Variants in NEK11 observed in about 807,000 individuals in gnomAD.
The protein encoded by NEK11 is serine/threonine-protein kinase Nek11.
In NEK11, 72 loss-of-function variants were observed where a neutral mutation model predicts 80.7. That is an observed-to-expected ratio of 0.89 (90% CI 0.74 to 1.08). The LOEUF (loss-of-function observed/expected upper bound fraction) is 1.08, where lower values mean the gene tolerates loss of function less well. Among genes scored for constraint, NEK11 ranks in the 50% least tolerant of loss-of-function variants. The pLI is 0.00. For synonymous variants in NEK11, 251 were observed against 260.7 expected, an observed-to-expected ratio of 0.96 and a Z score of 0.36; for missense variants, 764 against 763.6, an observed-to-expected ratio of 1.00 and a Z score of -0.01.
chr3:131,143,700 T>TA (rs990954715), intron 7 of NEK11, among the ~76,000 whole-genome samples: 2 of 152,070 alleles, frequency 1.3e-5, no homozygotes, highest in African/African-American at 4.8e-5. Flanking sequence ...AGGTCATTCA[T>TA]AAAAAATTGC....
intron 16 of NEK11, among the ~76,000 whole-genome samples, chr3:131,267,016 CT>C (rs767441516): frequency 6.6e-6 from 1 of 151,892 alleles, no homozygotes; most frequent in Non-Finnish European, 1.5e-5. Flanking sequence ...GCAACACCTG[CT>C]TTTTTTTGCT....
chr3:131,041,560 ATG>A (rs1175300081), intron 3 of NEK11, among the ~76,000 whole-genome samples: 2 of 151,848 alleles, frequency 1.3e-5, no homozygotes, highest in African/African-American at 4.8e-5. Context: ...ACGTATATAT[ATG>A]TGTGTGTGTA....
chr3:131,293,721 G>T (rs914365961), intron 17 of NEK11, among the ~76,000 whole-genome samples: 11 of 151,946 alleles, frequency 7.2e-5, no homozygotes, highest in Admixed American at 4.6e-4. Flanking sequence ...AACCCATCTG[G>T]GCCTGGTGCT....
intron 17 of NEK11, among the ~76,000 whole-genome samples, chr3:131,337,716 C>A (rs940518444): frequency 6.6e-6 from 1 of 151,986 alleles, no homozygotes; most frequent in Admixed American, 6.6e-5. Context: ...TAAAGGAAGA[C>A]AGTGACTGGC....
intron 17 of NEK11, among the ~76,000 whole-genome samples, chr3:131,276,059 G>A (rs1230522363): frequency 6.6e-6 from 1 of 152,204 alleles, no homozygotes; most frequent in Non-Finnish European, 1.5e-5. Flanking sequence ...TTCACAGAGG[G>A]ATGTAATTTG....
intron 14 of NEK11, among the ~76,000 whole-genome samples, chr3:131,191,765 A>C (rs539865527): frequency 3.0e-4 from 45 of 152,172 alleles, no homozygotes; most frequent in Admixed American, 3.3e-4. Context: ...GGAAGACTGG[A>C]TATCTCATGC....
At chr3:131,237,564 G>T (rs1419319847) in intron 15 of NEK11, among the ~76,000 whole-genome samples, 1 of 151,954 alleles carries the variant, frequency 6.6e-6, no homozygotes, top group Non-Finnish European at 1.5e-5. Flanking sequence ...CAGAACTCTA[G>T]ACTTACATAT....
chr3:131,255,079 GGAAAGAAAGAAAGAAA>G lies in NEK11; in HGVS notation c.1621+11618_1621+11633del, dbSNP rs59699596. On this transcript the variant is annotated intron_variant, in intron 16 of 17. Transcript: ENST00000383366. ...CAGACAGACAGACAGACAGAAAGAA[GGAAAGAAAGAAAGAAA>G]GAAAGAAAGAAAGAAAGAAAGAAAG... 2.3e-3 allele frequency among the ~76,000 whole-genome samples: 274 copies of G among 119,274 alleles called. 1 individual carries two copies. The highest frequency in any genetic ancestry group is 6.6e-3 in the East Asian group (26 of 3,946). 78.2% of individuals were successfully genotyped at this position (119,274 alleles called of 152,430 possible). A position where few individuals can be genotyped will look rare whatever the true frequency, so the allele number is the denominator to read the frequency against.
At chr3:131,087,235 C>CTTTTTT (rs59630167) in intron 4 of NEK11, among the ~76,000 whole-genome samples, 7 of 81,204 alleles carry the variant, frequency 8.6e-5, no homozygotes, top group Non-Finnish European at 9.3e-5. Context: ...TATGCAAATT[C>CTTTTTT]TTTTTTTTTT....
chr3:131,288,021 G>C (rs999617827), intron 17 of NEK11, among the ~76,000 whole-genome samples: 2 of 152,282 alleles, frequency 1.3e-5, no homozygotes, highest in Non-Finnish European at 2.9e-5. Context: ...ATAAAGGTTT[G>C]CTGGAAAGAT....
chr3:131,244,787 G>T (rs2095572535), intron 16 of NEK11, among the ~76,000 whole-genome samples: 1 of 151,992 alleles, frequency 6.6e-6, no homozygotes, highest in Non-Finnish European at 1.5e-5. Context: ...AGCCAGGCAT[G>T]ATAGCCTGTG....
chr3:131,313,063 G>A (rs1414365912), intron 17 of NEK11, among the ~76,000 whole-genome samples: 1 of 152,086 alleles, frequency 6.6e-6, no homozygotes, highest in African/African-American at 2.4e-5. Flanking sequence ...ACTTACAAGT[G>A]AGAACATGTG....
chr3:131,285,682 T>G (rs1218799911), intron 17 of NEK11, among the ~76,000 whole-genome samples: 1 of 152,238 alleles, frequency 6.6e-6, no homozygotes, highest in Non-Finnish European at 1.5e-5. Flanking sequence ...GTCATTCTTC[T>G]GCTTCTTTAC....
At chr3:131,061,991 T>C (rs956723288) in intron 3 of NEK11, among the ~76,000 whole-genome samples, 1 of 152,092 alleles carries the variant, frequency 6.6e-6, no homozygotes, top group African/African-American at 2.4e-5. Flanking sequence ...GATAACTGAG[T>C]TGATAACGAA....
intron 10 of NEK11, among the ~76,000 whole-genome samples, chr3:131,158,696 GTC>G (rs2149890749): frequency 6.6e-6 from 1 of 152,330 alleles, no homozygotes; most frequent in East Asian, 1.9e-4. Flanking sequence ...GAGCCATTCT[GTC>G]TCTGCTGCTG....
intron 17 of NEK11, among the ~76,000 whole-genome samples, chr3:131,340,418 A>T (rs1333429385): frequency 3.9e-5 from 6 of 152,216 alleles, no homozygotes; most frequent in Admixed American, 2.0e-4. Context: ...AGATAGAGAT[A>T]AATAATTAGA....
At position 131,191,984 on chromosome 3, in the gene NEK11, A is replaced by T. The variant is rs570870114; in HGVS notation, c.1399+21097A>T. Among the ~76,000 whole-genome samples the T allele has an allele frequency of 5.3e-5, 8 of 152,322 alleles. No homozygotes were observed. The South Asian group carries it at 1.7e-3, about 32-fold the overall frequency. On this transcript the variant is annotated intron_variant, in intron 14 of 17. Coordinates refer to ENST00000383366, the MANE Select transcript of NEK11 (RefSeq NM_024800.5). ...AAATTTTTATGTATCAAAGAACAGT[A>T]TCAACATAGTAAAGTGGCAACCCAC...
intron 17 of NEK11, among the ~76,000 whole-genome samples, chr3:131,296,743 G>C (rs2096597465): frequency 6.6e-6 from 1 of 151,978 alleles, no homozygotes. Context: ...CATGTGCCAT[G>C]CTGGTGTGCT....
At chr3:131,292,637 T>G (rs2096556079) in intron 17 of NEK11, among the ~76,000 whole-genome samples, 1 of 151,894 alleles carries the variant, frequency 6.6e-6, no homozygotes, top group South Asian at 2.1e-4. Flanking sequence ...TGCCTCAGGC[T>G]CCCAAGTAGC....
Sources: gnomAD v4.1 joint callset for allele counts (sites outside exome capture counted in the v4.1 genomes callset) on GRCh38, gnomAD v4.1.1 for gene constraint, MANE v1.5 for transcripts, NCBI Gene and HGNC (gene_info 2026-07-23, HGNC 2026-07-21) for gene names.